PDHA1: variants seen among roughly 807,000 people sequenced by gnomAD.
PDHA1 encodes pyruvate dehydrogenase E1 subunit alpha 1.
Under a neutral mutation model 33.0 loss-of-function variants are expected in PDHA1, and 1 was observed. The observed-to-expected ratio is 0.03, with a 90% confidence interval of 0.01 to 0.14. The LOEUF (loss-of-function observed/expected upper bound fraction) is 0.14. Among genes scored for constraint, PDHA1 ranks in the 10% least tolerant of loss-of-function variants. The pLI, the probability that PDHA1 is intolerant of heterozygous loss-of-function variation, is 1.00. For synonymous variants in PDHA1, 123 were observed against 119.2 expected (o/e 1.03, Z -0.21); for missense variants, 168 against 325.1 (o/e 0.52, Z 3.72).
intron 9 of PDHA1, among the ~76,000 whole-genome samples, chrX:19,358,047 C>A (rs1267523711): frequency 5.4e-5 from 6 of 110,833 alleles, no homozygotes; most frequent in African/African-American, 2.0e-4. Flanking sequence ...GTAGGCATTA[C>A]CCCAAGTCTA....
Position 19,361,254 on chromosome X carries a change from G to A in PDHA1, c.*1601G>A, listed in dbSNP as rs771609750. 7.1e-5 allele frequency: 57 copies of A among 802,313 alleles called. No homozygotes were observed. In the African/African-American group the frequency reaches 1.1e-3, roughly 15 times the overall value. The allele number at this position is 802,313 out of a possible 1,213,427, so 66.1% of individuals were successfully genotyped here. ...ATAGAACTCCAGAGTTTGGGGGGAGGCCCAGCCCTTTGTTTTCTGCTCTTG... is the reference window on the plus strand; with the variant it reads ...ATAGAACTCCAGAGTTTGGGGGGAGACCCAGCCCTTTGTTTTCTGCTCTTG... On this transcript the variant is annotated 3_prime_UTR_variant, in exon 11 of 11. Coordinates refer to ENST00000422285, the MANE Select transcript of PDHA1 (RefSeq NM_000284.4).
rs1480029163 is a variant in PDHA1, at chrX:19,361,619, T to C, written c.*1966T>C. 1 of 1,048,544 alleles carries C rather than the reference T, an allele frequency of 9.5e-7. No individual in the cohort carries two copies. Among genetic ancestry groups the C allele is most frequent in the Non-Finnish European group, 1.3e-6 (1 of 755,969 alleles). The allele number at this position is 1,048,544 out of a possible 1,213,427, so 86.4% of individuals were successfully genotyped here. On this transcript the variant is annotated 3_prime_UTR_variant, in exon 11 of 11. Coordinates refer to ENST00000422285, the MANE Select transcript of PDHA1 (RefSeq NM_000284.4). ...CTGTAACGATTGGCAATTTGTTATA[T>C]ATTAGTCTAACCATAAAACTCTTCA...
Position 19,358,849 on chromosome X carries a change from C to CATCACGCCGTCCTTGCTCTACT in PDHA1, c.900-66_900-45dup. On this transcript the variant is annotated intron_variant, in intron 9 of 10. Coordinates refer to ENST00000422285, the MANE Select transcript of PDHA1 (RefSeq NM_000284.4). ...GACAATCCAACCCCATATCATGTTT[C>CATCACGCCGTCCTTGCTCTACT]ATCACGCCGTCCTTGCTCTACTGGA... 4 of 629,929 alleles carry CATCACGCCGTCCTTGCTCTACT rather than the reference C, an allele frequency of 6.3e-6. No homozygotes were observed. The South Asian group carries it at 6.6e-5, about 10-fold the overall frequency. 51.9% of individuals were successfully genotyped at this position (629,929 alleles called of 1,213,427 possible). A position where few individuals can be genotyped will look rare whatever the true frequency, so the allele number is the denominator to read the frequency against.
intron 8 of PDHA1, 49 bp downstream of exon 8, chrX:19,355,806 CAA>C (rs766038074): frequency 1.1e-6 from 1 of 936,779 alleles, no homozygotes; most frequent in Admixed American, 2.2e-5. Flanking sequence ...TCTGGAAGTT[CAA>C]AGACTGCCTC....
intron 1 of PDHA1, among the ~76,000 whole-genome samples, chrX:19,345,571 TTAAAAAAAAAAAA>T (rs2063125752): frequency 1.6e-5 from 1 of 62,791 alleles, no homozygotes; most frequent in Non-Finnish European, 2.9e-5. Context: ...ACTCCGTATT[TTAAAAAAAAAAAA>T]AAAAAAAAAA....
At chrX:19,358,838 A>G (rs2063229031) in intron 9 of PDHA1, 78 bp from the exon 10 acceptor site, 2 of 594,694 alleles carry the variant, frequency 3.4e-6, no homozygotes, top group South Asian at 2.3e-5. Context: ...ATCCAACCCC[A>G]TATCATGTTT....
At chrX:19,358,866 T>TCTACTGGAACTGCTCTTA (rs751996446) in intron 9 of PDHA1, 50 bp from the exon 10 acceptor site, 3 of 704,704 alleles carry the variant, frequency 4.3e-6, no homozygotes, top group Non-Finnish European at 6.9e-6. Context: ...CCGTCCTTGC[T>TCTACTGGAACTGCTCTTA]CTACTGGAAC....
intron 1 of PDHA1, among the ~76,000 whole-genome samples, chrX:19,347,006 G>A (rs2063138811): frequency 9.1e-6 from 1 of 109,804 alleles, no homozygotes; most frequent in Non-Finnish European, 1.9e-5. Flanking sequence ...GAATGCAGTG[G>A]CACAGTCATA....
chrX:19,353,021 G>A (rs1366591390), intron 4 of PDHA1, 61 bp from the exon 5 acceptor site: 10 of 921,023 alleles, frequency 1.1e-5, no homozygotes, highest in Middle Eastern at 2.8e-4. Flanking sequence ...TTTGGGGTGC[G>A]GTTTGGTTTG....
intron 3 of PDHA1, 62 bp from the exon 4 acceptor site, chrX:19,351,219 A>G (rs749872110): frequency 1.8e-6 from 2 of 1,134,089 alleles, no homozygotes; most frequent in South Asian, 3.6e-5. Context: ...GTGGTCTAGG[A>G]AACGTTTTTA....
rs1423888664 is a variant in PDHA1, at chrX:19,344,061, C to T, written c.24C>T (p.Val8=). 2 of 1,208,080 alleles carry T rather than the reference C, an allele frequency of 1.7e-6. No homozygotes were observed. Among genetic ancestry groups the T allele is most frequent in the Non-Finnish European group, 2.2e-6 (2 of 894,499 alleles). Residue 8 remains valine (V), a synonymous_variant, in exon 1 of 11, where the codon GTC becomes GTT. Coordinates refer to ENST00000422285, the MANE Select transcript of PDHA1 (RefSeq NM_000284.4). MRKMLAA[V]SRVLSGASQK... Reference sequence around the variant, plus strand: ...TCATGAGGAAGATGCTCGCCGCCGTCTCCCGCGTGCTGTCTGGCGCTTCTC... The same window carrying T: ...TCATGAGGAAGATGCTCGCCGCCGTTTCCCGCGTGCTGTCTGGCGCTTCTC...
intron 5 of PDHA1, chrX:19,353,474 G>C: frequency 2.7e-6 from 1 of 373,332 alleles, no homozygotes; most frequent in South Asian, 3.4e-5. Flanking sequence ...TAGCCTAGGA[G>C]CAGTAGGCTC....
rs1235447091 is a variant in PDHA1 at position 19,359,844 on chromosome X, G to A, written c.*191G>A. 1.3e-5 allele frequency: 6 copies of A among 471,095 alleles called. No individual in the cohort carries two copies. Among genetic ancestry groups the A allele is most frequent in the Non-Finnish European group, 1.5e-5 (4 of 266,921 alleles). 38.8% of individuals were successfully genotyped at this position (471,095 alleles called of 1,213,427 possible). ...TGCATTAAAAGATGAATTATTGAGTGCTTAAAGATTATTTTTGACTTAAAA... is the reference window on the plus strand; with the variant it reads ...TGCATTAAAAGATGAATTATTGAGTACTTAAAGATTATTTTTGACTTAAAA... On this transcript the variant is annotated 3_prime_UTR_variant, in exon 11 of 11. Coordinates refer to ENST00000422285, the MANE Select transcript of PDHA1 (RefSeq NM_000284.4).
intron 1 of PDHA1, among the ~76,000 whole-genome samples, chrX:19,347,704 A>C (rs1416332860): frequency 8.9e-6 from 1 of 112,828 alleles, no homozygotes; most frequent in Non-Finnish European, 1.9e-5. Flanking sequence ...TGGCCCCACA[A>C]AATATTTATT....
At position 19,360,018 on chromosome X, in the gene PDHA1, G is replaced by A. The variant is rs2063259643; in HGVS notation, c.*365G>A. On this transcript the variant is annotated 3_prime_UTR_variant, in exon 11 of 11. Transcript: ENST00000422285. Reference sequence around the variant, plus strand: ...CTACCAACCATAGCACCCACCCCGAGCAGCGCTGGTGCTGCAGCCTGTTCG... The same window carrying A: ...CTACCAACCATAGCACCCACCCCGAACAGCGCTGGTGCTGCAGCCTGTTCG... 3.8e-6 allele frequency: 1 copy of A among 262,135 alleles called. No individual in the cohort carries two copies. 21.6% of individuals were successfully genotyped at this position (262,135 alleles called of 1,213,427 possible). A position where few individuals can be genotyped will look rare whatever the true frequency, so the allele number is the denominator to read the frequency against.
intron 9 of PDHA1, 109 bp from the exon 10 acceptor site, chrX:19,358,807 G>A (rs1309516069): frequency 1.9e-6 from 1 of 539,257 alleles, no homozygotes. Context: ...ACACACTTCT[G>A]TATTTCACCT....
intron 8 of PDHA1, among the ~76,000 whole-genome samples, chrX:19,356,194 C>T (rs1440242428): frequency 8.9e-6 from 1 of 111,766 alleles, no homozygotes; most frequent in East Asian, 2.8e-4. Context: ...TAATCTTAGT[C>T]TTGCTCAGTC....
chrX:19,351,147 G>A, intron 3 of PDHA1, 134 bp from the exon 4 acceptor site: 3 of 648,073 alleles, frequency 4.6e-6, no homozygotes, highest in Non-Finnish European at 7.4e-6. Flanking sequence ...CTGTATTTTG[G>A]TGGAAAATAG....
In PDHA1 at chrX:19,360,534, GCTCA is replaced by G. The variant is rs2063270172; in HGVS notation, c.*884_*887del. ...AATATTCCGGGAGGTCAAAACCAAG[GCTCA>G]CTGTTTTCACAATACACACAGTTCT... On this transcript the variant is annotated 3_prime_UTR_variant, in exon 11 of 11. Transcript: ENST00000422285. 1.8e-5 allele frequency: 6 copies of G among 335,662 alleles called. No homozygotes were observed. Among genetic ancestry groups the G allele is most frequent in the Non-Finnish European group, 3.1e-5 (6 of 193,535 alleles). 27.7% of individuals were successfully genotyped at this position (335,662 alleles called of 1,213,427 possible). A position where few individuals can be genotyped will look rare whatever the true frequency, so the allele number is the denominator to read the frequency against.
Sources: gnomAD v4.1 joint callset for allele counts (sites outside exome capture counted in the v4.1 genomes callset) on GRCh38, gnomAD v4.1.1 for gene constraint, MANE v1.5 for transcripts, NCBI Gene and HGNC (gene_info 2026-07-23, HGNC 2026-07-21) for gene names.